The following ZNF81 variants were observed in gnomAD, a reference collection of about 807,000 sequenced individuals.
ZNF81 encodes the protein zinc finger protein 81 (HFZ20).
A neutral mutation model predicts 32.3 loss-of-function variants in ZNF81; 5 were observed. The observed-to-expected ratio is 0.15, with a 90% CI of 0.08 to 0.33. ZNF81 has a LOEUF of 0.33. Ranked by LOEUF, ZNF81 falls within the 10% of genes least tolerant of loss-of-function variation. The probability of loss-of-function intolerance (pLI) is 1.00; values close to 1 mark genes in which losing one functional copy is unlikely to be tolerated. For missense variants in ZNF81, 379 were observed against 479.8 expected, an observed-to-expected ratio of 0.79 and a Z score of 1.96; for synonymous variants, 163 against 166.8, an observed-to-expected ratio of 0.98 and a Z score of 0.17.
chrX:47,848,136 C>T (rs889409251), intron 2 of ZNF81, among the ~76,000 whole-genome samples: 7 of 110,694 alleles, frequency 6.3e-5, no homozygotes, highest in Non-Finnish European at 1.1e-4. Flanking sequence ...AGGATGGTCT[C>T]GATCTCCTGA....
chrX:47,910,531 A>G (rs1204349366), intron 4 of ZNF81, among the ~76,000 whole-genome samples: 3 of 112,233 alleles, frequency 2.7e-5, no homozygotes, highest in East Asian at 2.8e-4. Flanking sequence ...CAAAACCACA[A>G]TGAGATAACA....
intron 3 of ZNF81, among the ~76,000 whole-genome samples, chrX:47,888,944 G>A (rs907467349): frequency 3.6e-5 from 4 of 112,015 alleles, no homozygotes; most frequent in African/African-American, 1.3e-4. Context: ...GTTCTGTTGG[G>A]TGAAAAGTAG....
intron 4 of ZNF81, among the ~76,000 whole-genome samples, chrX:47,896,972 T>C (rs1556887316): frequency 1.8e-5 from 2 of 112,392 alleles, no homozygotes; most frequent in East Asian, 2.8e-4. Context: ...TATTCATTAA[T>C]CTCTACACCT....
At chrX:47,884,243 TAAAAAAAAAAAA>T (rs56255807) in intron 2 of ZNF81, among the ~76,000 whole-genome samples, 4 of 31,259 alleles carry the variant, frequency 1.3e-4, no homozygotes, top group Admixed American at 4.8e-4. Flanking sequence ...AGACGTCATC[TAAAAAAAAAAAA>T]AAAAAAAAAA....
At chrX:47,841,590 T>C in intron 1 of ZNF81, 1 of 1,040,064 alleles carries the variant, frequency 9.6e-7, no homozygotes, top group Non-Finnish European at 1.3e-6. Flanking sequence ...TGCTCCTTCT[T>C]TGCCAAAAGT....
intron 1 of ZNF81, among the ~76,000 whole-genome samples, chrX:47,844,277 C>T (rs1311769564): frequency 8.9e-6 from 1 of 112,069 alleles, no homozygotes; most frequent in African/African-American, 3.2e-5. Flanking sequence ...ACCTTTTCAA[C>T]ACACCCAAAA....
chrX:47,878,527 A>G (rs1444268820), intron 2 of ZNF81, among the ~76,000 whole-genome samples: 1 of 112,526 alleles, frequency 8.9e-6, no homozygotes, highest in African/African-American at 3.2e-5. Context: ...CCTGAGACTG[A>G]CCATCACATT....
chrX:47,867,523 T>C (rs73489332), intron 2 of ZNF81, among the ~76,000 whole-genome samples: 7,305 of 111,829 alleles, frequency 0.065, 281 homozygotes, highest in African/African-American at 0.15. Context: ...CTACCTTTCT[T>C]TGGGCAGTTA....
At chrX:47,855,268 G>T (rs1556881744) in intron 2 of ZNF81, among the ~76,000 whole-genome samples, 1 of 110,529 alleles carries the variant, frequency 9.0e-6, no homozygotes, top group South Asian at 3.8e-4. Context: ...TTACAATATT[G>T]TGAGGATTAC....
chrX:47,862,479 T>A (rs2058544703), intron 2 of ZNF81, among the ~76,000 whole-genome samples: 1 of 103,869 alleles, frequency 9.6e-6, no homozygotes, highest in Non-Finnish European at 2.0e-5. Flanking sequence ...GCCGAGATCA[T>A]GCCATTGCAC....
rs1556886019 is a variant in ZNF81, at chrX:47,888,037, T to C, written c.93T>C (p.Ser31=). 3 of 1,208,915 alleles carry C rather than the reference T, an allele frequency of 2.5e-6. No individual in the cohort carries two copies. The African/African-American group carries it at 5.3e-5, about 21-fold the overall frequency. Residue 31 remains serine (S), a synonymous_variant, in exon 3 of 5, where the codon AGT becomes AGC. Coordinates refer to ENST00000338637, the MANE Select transcript of ZNF81 (RefSeq NM_007137.5). ...VSFEDVTVDF[S]REEWQQLDST... ...TTGAGGATGTGACTGTGGACTTCAGTAGAGAGGAGTGGCAGCAACTGGACT... is the reference window on the plus strand; with the variant it reads ...TTGAGGATGTGACTGTGGACTTCAGCAGAGAGGAGTGGCAGCAACTGGACT...
chrX:47,878,102 C>G (rs1317115311), intron 2 of ZNF81, among the ~76,000 whole-genome samples: 2 of 111,967 alleles, frequency 1.8e-5, no homozygotes, highest in African/African-American at 6.5e-5. Flanking sequence ...TGTTGCCATT[C>G]TTCCTTAACA....
chrX:47,851,443 A>T (rs143622573), intron 2 of ZNF81, among the ~76,000 whole-genome samples: 24 of 112,242 alleles, frequency 2.1e-4, no homozygotes, highest in Non-Finnish European at 7.5e-5. Context: ...TCAGTCTGAT[A>T]GGTTACAACA....
At position 47,917,589 on chromosome X, in the gene ZNF81, C is replaced by T. The variant is rs2058761910; in HGVS notation, c.*957C>T. On this transcript the variant is annotated 3_prime_UTR_variant, in exon 5 of 5. Transcript: ENST00000338637. The stretch of plus-strand genomic sequence containing the variant: ...CCTACTCGGGGGTGAGGAGCCACCA[C>T]ATGGAGCAGTGGTGAGCCAGCCTTG... 4.6e-6 allele frequency: 1 copy of T among 219,190 alleles called. No homozygotes were observed. The highest frequency in any genetic ancestry group is 8.2e-6 in the Non-Finnish European group (1 of 121,848). 18.1% of individuals were successfully genotyped at this position (219,190 alleles called of 1,213,427 possible).
intron 2 of ZNF81, among the ~76,000 whole-genome samples, chrX:47,884,064 G>A (rs2058631295): frequency 9.2e-6 from 1 of 108,962 alleles, no homozygotes; most frequent in African/African-American, 3.4e-5. Context: ...TGGCCAAGAT[G>A]GTGAAACCCT....
chrX:47,898,741 A>G (rs942863080), intron 4 of ZNF81, among the ~76,000 whole-genome samples: 1 of 111,990 alleles, frequency 8.9e-6, no homozygotes, highest in African/African-American at 3.2e-5. Flanking sequence ...CTTTAATTTC[A>G]TTTAGCAGAA....
intron 2 of ZNF81, among the ~76,000 whole-genome samples, chrX:47,881,502 AC>A (rs1216757295): frequency 2.7e-5 from 3 of 112,070 alleles, no homozygotes; most frequent in Non-Finnish European, 3.8e-5. Context: ...AGATATTCAA[AC>A]CATAGGACTG....
chrX:47,915,411 C>T lies in ZNF81; in HGVS notation c.765C>T (p.Leu255=). 1 of 1,211,589 alleles carries T rather than the reference C, an allele frequency of 8.3e-7. No homozygotes were observed. The highest frequency in any genetic ancestry group is 1.1e-6 in the Non-Finnish European group (1 of 895,476). The change falls in exon 5 of 5, where the codon CTC becomes CTT. Residue 255 remains leucine (L), a synonymous_variant. Coordinates refer to ENST00000338637, the MANE Select transcript of ZNF81 (RefSeq NM_007137.5). ...FCERNQCGKV[L]SLKHSLSQNV... is the part of the protein sequence containing the mutation. Reference sequence around the variant, plus strand: ...AACGTAATCAATGTGGAAAAGTCCTCAGCCTCAAACACTCACTCAGTCAAA... The same window carrying T: ...AACGTAATCAATGTGGAAAAGTCCTTAGCCTCAAACACTCACTCAGTCAAA...
chrX:47,908,921 G>T (rs2058729703), intron 4 of ZNF81, among the ~76,000 whole-genome samples: 1 of 111,797 alleles, frequency 8.9e-6, no homozygotes, highest in Admixed American at 9.5e-5. Flanking sequence ...TTATTGACAG[G>T]AAAGGGCCAC....
Sources: gnomAD v4.1 joint callset for allele counts (sites outside exome capture counted in the v4.1 genomes callset) on GRCh38, gnomAD v4.1.1 for gene constraint, MANE v1.5 for transcripts, NCBI Gene and HGNC (gene_info 2026-07-23, HGNC 2026-07-21) for gene names.